Variants in BCAS1 observed in about 807,000 individuals in gnomAD.
BCAS1 encodes the protein brain enriched myelin associated protein 1, also known as breast carcinoma-amplified sequence 1.
BCAS1 carries 46 observed loss-of-function variants against 65.4 expected under a neutral mutation model. That is an observed-to-expected ratio of 0.70 (90% CI 0.55 to 0.90). The LOEUF (loss-of-function observed/expected upper bound fraction) is 0.90, where lower values mean the gene tolerates loss of function less well. BCAS1 is among the 40% of genes least tolerant of loss of function. The pLI is 0.00. For missense variants in BCAS1, 793 were observed against 771.2 expected (o/e 1.03, Z -0.33); for synonymous variants, 298 against 293.5 (o/e 1.02, Z -0.16).
chr20:54,008,410 C>A (rs2091248884), intron 4 of BCAS1, among the ~76,000 whole-genome samples: 1 of 152,176 alleles, frequency 6.6e-6, no homozygotes, highest in Non-Finnish European at 1.5e-5. Flanking sequence ...AGAAGAGACC[C>A]AGTGGAGTTA....
chr20:54,011,291 G>T (rs1287936723), intron 4 of BCAS1, among the ~76,000 whole-genome samples: 2 of 152,118 alleles, frequency 1.3e-5, no homozygotes, highest in Non-Finnish European at 2.9e-5. Context: ...GATGAAAAGA[G>T]AAACTAGAGA....
At chr20:54,026,791 C>A (rs943769251) in intron 4 of BCAS1, among the ~76,000 whole-genome samples, 2 of 152,252 alleles carry the variant, frequency 1.3e-5, no homozygotes, top group Admixed American at 1.3e-4. Flanking sequence ...CTGGTTCATG[C>A]ATTTGCTGGA....
chr20:54,060,458 G>A (rs1320679673), intron 1 of BCAS1, among the ~76,000 whole-genome samples: 11 of 151,798 alleles, frequency 7.2e-5, no homozygotes, highest in African/African-American at 2.7e-4. Flanking sequence ...GATAACAGGT[G>A]CGTGGCACAA....
rs114378015 is a variant in BCAS1, at chr20:54,040,874, A to G, written c.143-11902T>C. 3.0e-3 allele frequency among the ~76,000 whole-genome samples: 453 copies of G among 151,426 alleles called. 9 individuals are homozygous for G. Among genetic ancestry groups the G allele is most frequent in the African/African-American group, 0.01 (435 of 41,456 alleles). The stretch of plus-strand genomic sequence containing the variant: ...AATGAAAACATATGGCCACACAAAA[A>G]CTTGTACACAAATGTCCATAGCAGC... On this transcript the variant is annotated intron_variant, in intron 3 of 12. Coordinates refer to ENST00000688948, the MANE Select transcript of BCAS1 (RefSeq NM_001366298.2).
At chr20:54,045,822 G>C (rs2146242180) in intron 3 of BCAS1, among the ~76,000 whole-genome samples, 1 of 152,160 alleles carries the variant, frequency 6.6e-6, no homozygotes. Context: ...ATTCCCTTTT[G>C]GTTTTCTTTT....
At chr20:53,981,686 G>C (rs185491866) in intron 8 of BCAS1, among the ~76,000 whole-genome samples, 1 of 152,026 alleles carries the variant, frequency 6.6e-6, no homozygotes, top group Non-Finnish European at 1.5e-5. Context: ...ACTGAGATTT[G>C]ATAATGTCTC....
At chr20:54,062,299 T>C (rs565195893) in intron 1 of BCAS1, among the ~76,000 whole-genome samples, 31 of 152,342 alleles carry the variant, frequency 2.0e-4, no homozygotes, top group African/African-American at 7.2e-4. Context: ...TACCATCTGT[T>C]GAGAAACTTC....
At chr20:54,031,193 C>T (rs988851981) in intron 3 of BCAS1, among the ~76,000 whole-genome samples, 5 of 151,326 alleles carry the variant, frequency 3.3e-5, no homozygotes, top group Non-Finnish European at 5.9e-5. Context: ...AAAAAGTCTT[C>T]AAAAAACACA....
intron 9 of BCAS1, among the ~76,000 whole-genome samples, chr20:53,973,998 A>G (rs1460486592): frequency 6.6e-6 from 1 of 152,174 alleles, no homozygotes; most frequent in Non-Finnish European, 1.5e-5. Flanking sequence ...AAAGGATTGT[A>G]AATGCACCAG....
chr20:54,065,586 G>A (rs2092430181), intron 1 of BCAS1, among the ~76,000 whole-genome samples: 1 of 152,226 alleles, frequency 6.6e-6, no homozygotes, highest in Non-Finnish European at 1.5e-5. Flanking sequence ...AGGGTCGCTA[G>A]TGCTGATATT....
At chr20:53,976,138 T>C (rs370502821) in intron 8 of BCAS1, among the ~76,000 whole-genome samples, 1 of 152,238 alleles carries the variant, frequency 6.6e-6, no homozygotes, top group South Asian at 2.1e-4. Flanking sequence ...ATAGGAGTTA[T>C]CCCGATTCTG....
At chr20:53,979,221 G>T (rs1434634662) in intron 8 of BCAS1, among the ~76,000 whole-genome samples, 1 of 152,172 alleles carries the variant, frequency 6.6e-6, no homozygotes, top group African/African-American at 2.4e-5. Flanking sequence ...TATTGAAGTA[G>T]AGCAAAAATA....
intron 3 of BCAS1, among the ~76,000 whole-genome samples, chr20:54,043,937 A>G (rs896232738): frequency 6.6e-6 from 1 of 152,184 alleles, no homozygotes; most frequent in Non-Finnish European, 1.5e-5. Context: ...CATATAATGG[A>G]TCCTACCCAC....
At position 53,950,661 on chromosome 20, in the gene BCAS1, C is replaced by T. The variant is rs574018655; in HGVS notation, c.1815+2771G>A. 6.6e-5 allele frequency among the ~76,000 whole-genome samples: 10 copies of T among 152,284 alleles called. 1 individual carries two copies. The highest frequency in any genetic ancestry group is 1.7e-4 in the African/African-American group (7 of 41,544). ...ACTTTTTAGCTGCATGCTTCCCCTT[C>T]GAATATGAACCCCTGATGTCAGGGA... On this transcript the variant is annotated intron_variant, in intron 12 of 12. Transcript: ENST00000688948.
intron 3 of BCAS1, among the ~76,000 whole-genome samples, chr20:54,055,735 GAT>G (rs2092287932): frequency 6.6e-6 from 1 of 152,116 alleles, no homozygotes; most frequent in Non-Finnish European, 1.5e-5. Flanking sequence ...CAATAGCCAA[GAT>G]ATGGGAATGA....
intron 4 of BCAS1, 60 bp from the exon 5 acceptor site, chr20:53,996,110 C>T: frequency 2.7e-6 from 4 of 1,503,866 alleles, no homozygotes; most frequent in Non-Finnish European, 3.6e-6. Context: ...CAAAGTCATA[C>T]TTTTGCTTCA....
rs755331001 is a variant in BCAS1 at position 53,944,986 on chromosome 20, C to G, written c.1826G>C (p.Arg609Pro). Reference sequence around the variant, plus strand: ...TGTTTGCACTTGAGCATCCAACATCCGCTTTGGTCCCTGGAGAAAAACAGA... The same window carrying G: ...TGTTTGCACTTGAGCATCCAACATCGGCTTTGGTCCCTGGAGAAAAACAGA... ...GGFFKGLGPK[R>P]MLDAQVQTDP... The change falls in exon 13 of 13, where the codon CGG becomes CCG. Residue 609 changes from arginine (R) to proline (P), a missense_variant. Physicochemically the swap from Arg to Pro is moderately radical, Grantham distance 103. Transcript: ENST00000688948. 1 of 1,613,914 alleles carries G rather than the reference C, an allele frequency of 6.2e-7. No homozygotes were observed. Among genetic ancestry groups the G allele is most frequent in the Non-Finnish European group, 8.5e-7 (1 of 1,180,004 alleles).
chr20:53,989,610 A>G (rs208360), intron 7 of BCAS1, among the ~76,000 whole-genome samples: 113,128 of 152,012 alleles, frequency 0.74, 42,453 homozygotes, highest in East Asian at 0.94. Context: ...GGGTTGTAGA[A>G]TACCAGTCAG....
rs762588091 is a variant in BCAS1, at chr20:53,944,973, A to G, written c.1839T>C (p.Ala613=). ...KGLGPKRMLD[A]QVQTDPVSIG... ...TGGATACTGGGTCTGTTTGCACTTG[A>G]GCATCCAACATCCGCTTTGGTCCCT... Residue 613 remains alanine, a synonymous_variant, in exon 13 of 13, where the codon GCT becomes GCC. Coordinates refer to ENST00000688948, the MANE Select transcript of BCAS1 (RefSeq NM_001366298.2). 2 of 1,614,160 alleles carry G rather than the reference A, an allele frequency of 1.2e-6. No homozygotes were observed. Among genetic ancestry groups the G allele is most frequent in the Non-Finnish European group, 1.7e-6 (2 of 1,180,026 alleles).
Sources: allele counts gnomAD v4.1 joint callset (sites outside exome capture counted in the v4.1 genomes callset), GRCh38; gene constraint gnomAD v4.1.1; transcripts MANE v1.5; gene names NCBI Gene and HGNC (gene_info 2026-07-23, HGNC 2026-07-21).